Variants in NIBAN3 observed in about 807,000 individuals in gnomAD.
The protein encoded by NIBAN3 is protein Niban 3.
In NIBAN3, 66 loss-of-function variants were observed where a neutral mutation model predicts 76.4. That is an observed-to-expected ratio of 0.86 (90% CI 0.71 to 1.06). NIBAN3 has a LOEUF of 1.06. NIBAN3 is among the 50% of genes least tolerant of loss of function. The pLI is 0.00. For synonymous variants in NIBAN3, 360 were observed against 355.2 expected (o/e 1.01, Z -0.15); for missense variants, 808 against 810.7 (o/e 1.00, Z 0.04).
In NIBAN3 at chr19:17,539,708, C is replaced by G. The variant is rs1407879496; in HGVS notation, c.922C>G (p.Arg308Gly). 2.6e-6 allele frequency: 4 copies of G among 1,549,762 alleles called. No individual in the cohort carries two copies. Among genetic ancestry groups the G allele is most frequent in the South Asian group, 2.4e-5 (2 of 84,354 alleles). ...ELLASLEKTIRPDVDQLLRQR... is the reference protein window; with the variant it reads ...ELLASLEKTIGPDVDQLLRQR... ...GCTTGCGTCGCTGGAGAAGACGATC[C>G]GCCCGGACGTGGACCAGCTGCTGCG... The change falls in exon 8 of 15, where the codon CGC becomes GGC. Residue 308 changes from arginine to glycine, a missense_variant. Transcript: ENST00000599164.
intron 3 of NIBAN3, among the ~76,000 whole-genome samples, 187 bp downstream of exon 3, chr19:17,532,575 G>T (rs1048624420): frequency 2.0e-5 from 3 of 152,142 alleles, no homozygotes; most frequent in Non-Finnish European, 2.9e-5. Context: ...GCTGTGCTGG[G>T]TGGGTAAACT....
At chr19:17,532,796 A>G (rs565167240) in intron 3 of NIBAN3, among the ~76,000 whole-genome samples, 1 of 152,120 alleles carries the variant, frequency 6.6e-6, no homozygotes, top group Admixed American at 6.6e-5. Flanking sequence ...GGGTCCTCAG[A>G]CAGCACTTGG....
intron 14 of NIBAN3, chr19:17,549,863 C>T (rs1268589880): frequency 4.1e-6 from 2 of 490,382 alleles, no homozygotes; most frequent in East Asian, 3.0e-5. Context: ...AGATCTGTTG[C>T]CCAGGCTGGA....
At chr19:17,525,299 G>A (rs1447008456), upstream of NIBAN3, among the ~76,000 whole-genome samples, 2 of 152,248 alleles carry the variant, frequency 1.3e-5, no homozygotes, top group Non-Finnish European at 2.9e-5. Flanking sequence ...TCCGCTTGGA[G>A]TGTAGACTGC....
chr19:17,550,301 T>C (rs1204725740), intron 14 of NIBAN3, among the ~76,000 whole-genome samples: 1 of 152,160 alleles, frequency 6.6e-6, no homozygotes, highest in Non-Finnish European at 1.5e-5. Context: ...CTAATACACT[T>C]CCTAGCTGAT....
At position 17,552,079 on chromosome 19, in the gene NIBAN3, A is replaced by ATTT; in HGVS notation, c.*181_*182insTTT. 1 of 357,190 alleles carries ATTT rather than the reference A, an allele frequency of 2.8e-6. No homozygotes were observed. Among genetic ancestry groups the ATTT allele is most frequent in the Non-Finnish European group, 4.9e-6 (1 of 203,048 alleles). The allele number at this position is 357,190 out of a possible 1,614,324, so 22.1% of individuals were successfully genotyped here. A position where few individuals can be genotyped will look rare whatever the true frequency, so the allele number is the denominator to read the frequency against. Reference sequence around the variant, plus strand: ...TTTTCCCCAAGGCTTTCTTTATTTTAATTTTTTTTTTTTTTTTGAGACTGA... The same window carrying ATTT: ...TTTTCCCCAAGGCTTTCTTTATTTTATTTATTTTTTTTTTTTTTTTGAGACTGA... On this transcript the variant is annotated 3_prime_UTR_variant, in exon 15 of 15. Coordinates refer to ENST00000599164, the MANE Select transcript of NIBAN3 (RefSeq NM_001321827.2).
upstream of NIBAN3, among the ~76,000 whole-genome samples, chr19:17,525,491 G>T (rs576644332): frequency 3.9e-5 from 6 of 152,342 alleles, no homozygotes; most frequent in South Asian, 8.3e-4. Context: ...GGACATAAAG[G>T]TCGCGCCCAA....
chr19:17,550,942 CAG>C (rs1348140565), intron 14 of NIBAN3, among the ~76,000 whole-genome samples: 1 of 139,144 alleles, frequency 7.2e-6, no homozygotes, highest in Non-Finnish European at 1.5e-5. Context: ...GTCATTTCAA[CAG>C]AGGGCTGTCC....
At chr19:17,523,904 G>C (rs543582262), upstream of NIBAN3, among the ~76,000 whole-genome samples, 1 of 151,948 alleles carries the variant, frequency 6.6e-6, no homozygotes, top group Non-Finnish European at 1.5e-5. Context: ...TTTCTTTTTT[G>C]GGGGGACACG....
chr19:17,537,604 C>T (rs769852423), intron 5 of NIBAN3, 61 bp downstream of exon 5: 2 of 1,471,070 alleles, frequency 1.4e-6, no homozygotes, highest in Admixed American at 2.2e-5. Flanking sequence ...GATGGCTCAG[C>T]CTCTGTTGGC....
downstream of NIBAN3, among the ~76,000 whole-genome samples, chr19:17,555,402 T>C (rs1040791646): frequency 2.6e-5 from 4 of 151,964 alleles, no homozygotes; most frequent in East Asian, 7.7e-4. Context: ...CTGGCGGAGG[T>C]CTCAGTGGTA....
chr19:17,549,107 T>G (rs1009552971), intron 13 of NIBAN3, among the ~76,000 whole-genome samples: 1 of 152,162 alleles, frequency 6.6e-6, no homozygotes, highest in Non-Finnish European at 1.5e-5. Flanking sequence ...AAAAGCTATT[T>G]TCTGACTGCA....
chr19:17,529,357 C>T (rs753957125), intron 1 of NIBAN3, among the ~76,000 whole-genome samples: 5 of 151,972 alleles, frequency 3.3e-5, no homozygotes, highest in Non-Finnish European at 7.4e-5. Context: ...AGTTAGACAC[C>T]TAAAGTCCTT....
chr19:17,540,295 C>A, intron 8 of NIBAN3, 97 bp from the exon 9 acceptor site: 1 of 829,580 alleles, frequency 1.2e-6, no homozygotes, highest in Non-Finnish European at 1.7e-6. Context: ...GGGCGCTCAG[C>A]GTCCCTGCTC....
At chr19:17,530,602 G>A (rs1222686786) in intron 1 of NIBAN3, among the ~76,000 whole-genome samples, 153 bp from the exon 2 acceptor site, 2 of 151,874 alleles carry the variant, frequency 1.3e-5, no homozygotes, top group Admixed American at 6.6e-5. Flanking sequence ...GGCATGGAGG[G>A]TGAAGGATGA....
At chr19:17,546,008 A>G (rs1346294618) in intron 12 of NIBAN3, 11 of 431,332 alleles carry the variant, frequency 2.6e-5, no homozygotes, top group Non-Finnish European at 5.1e-5. Flanking sequence ...CTGCCTGGCA[A>G]CAGGCATCTT....
intron 1 of NIBAN3, among the ~76,000 whole-genome samples, chr19:17,527,798 G>A (rs571356539): frequency 6.6e-5 from 10 of 151,896 alleles, no homozygotes; most frequent in East Asian, 3.9e-4. Context: ...GGGCTCAAGC[G>A]ATCCTCCCGC....
chr19:17,527,119 C>T, upstream of NIBAN3: 5 of 1,184,260 alleles, frequency 4.2e-6, no homozygotes, highest in Non-Finnish European at 5.8e-6. Flanking sequence ...ACAACCTAAC[C>T]CCGGGGCTGT....
Position 17,546,941 on chromosome 19 carries a change from G to A in NIBAN3, c.1666+144G>A. On this transcript the variant is annotated intron_variant, in intron 13 of 14. Transcript: ENST00000599164. Reference sequence around the variant, plus strand: ...TCAGGACTTGGCCTGAGGAGGTCCAGGGTAGAGGAGCTCAGAGGGGCAGGG... The same window carrying A: ...TCAGGACTTGGCCTGAGGAGGTCCAAGGTAGAGGAGCTCAGAGGGGCAGGG... 7 of 1,030,668 alleles carry A rather than the reference G, an allele frequency of 6.8e-6. No homozygotes were observed. The South Asian group carries it at 9.6e-5, about 14-fold the overall frequency. The allele number at this position is 1,030,668 out of a possible 1,614,324, so 63.8% of individuals were successfully genotyped here. A position where few individuals can be genotyped will look rare whatever the true frequency, so the allele number is the denominator to read the frequency against.
Sources: allele counts gnomAD v4.1 joint callset (sites outside exome capture counted in the v4.1 genomes callset), GRCh38; gene constraint gnomAD v4.1.1; transcripts MANE v1.5; gene names NCBI Gene and HGNC (gene_info 2026-07-23, HGNC 2026-07-21).